The following MAD1L1 variants were observed in gnomAD, a reference collection of about 807,000 sequenced individuals.
The protein encoded by MAD1L1 is mitotic arrest deficient 1 like 1.
MAD1L1 carries 95 observed loss-of-function variants against 96.9 expected under a neutral mutation model. The observed-to-expected ratio is 0.98, with a 90% confidence interval of 0.83 to 1.16. The LOEUF (loss-of-function observed/expected upper bound fraction) is 1.16, where lower values mean the gene tolerates loss of function less well. MAD1L1 is among the 50% of genes most tolerant of loss of function. MAD1L1 has a pLI of 0.00. For synonymous variants in MAD1L1, 473 were observed against 396.6 expected, an observed-to-expected ratio of 1.19 and a Z score of -2.29; for missense variants, 1,007 against 954.4, an observed-to-expected ratio of 1.06 and a Z score of -0.73.
At chr7:1,993,852 G>T (rs971159153) in intron 14 of MAD1L1, among the ~76,000 whole-genome samples, 1 of 152,192 alleles carries the variant, frequency 6.6e-6, no homozygotes, top group Non-Finnish European at 1.5e-5. Flanking sequence ...CTCAGCACTC[G>T]GCAGATGCTT....
rs192035395 is a variant in MAD1L1 at position 1,817,290 on chromosome 7, C to T, written c.1999-1062G>A. On this transcript the variant is annotated intron_variant, in intron 18 of 18. Transcript: ENST00000265854. Reference sequence around the variant, plus strand: ...GCCGGCAGCTCCTCAAAGAGCTGGACGCAGAGTCCATGGGCCCAGCACCCG... The same window carrying T: ...GCCGGCAGCTCCTCAAAGAGCTGGATGCAGAGTCCATGGGCCCAGCACCCG... 7.9e-4 allele frequency among the ~76,000 whole-genome samples: 120 copies of T among 152,248 alleles called. 1 individual carries two copies. The highest frequency in any genetic ancestry group is 1.5e-3 in the Non-Finnish European group (101 of 68,004).
chr7:2,189,004 A>T (rs1261724407), intron 10 of MAD1L1, among the ~76,000 whole-genome samples: 1 of 152,198 alleles, frequency 6.6e-6, no homozygotes, highest in African/African-American at 2.4e-5. Context: ...GCGATTCAAG[A>T]ACAGGCGAAG....
At chr7:2,225,631 A>G (rs1188716999) in intron 3 of MAD1L1, 81 bp from the exon 4 acceptor site, 1 of 1,466,400 alleles carries the variant, frequency 6.8e-7, no homozygotes. Flanking sequence ...CAGCAGACAC[A>G]CTCCCTGAGG....
At chr7:2,020,600 C>T (rs1197607433) in intron 12 of MAD1L1, among the ~76,000 whole-genome samples, 1 of 152,194 alleles carries the variant, frequency 6.6e-6, no homozygotes, top group Admixed American at 6.5e-5. Flanking sequence ...CCCGGGCTGC[C>T]CTGGTACCCG....
At chr7:1,947,787 C>T (rs1779297700) in intron 16 of MAD1L1, among the ~76,000 whole-genome samples, 1 of 152,230 alleles carries the variant, frequency 6.6e-6, no homozygotes, top group African/African-American at 2.4e-5. Flanking sequence ...TCAGCAGCGG[C>T]CTGACCTTGG....
chr7:1,874,393 C>A (rs555953407), intron 18 of MAD1L1: 9 of 390,394 alleles, frequency 2.3e-5, no homozygotes, highest in African/African-American at 1.9e-4. Flanking sequence ...AGCACCGGGA[C>A]GGGGGTAAGA....
At chr7:2,182,670 C>T (rs1419634898) in intron 10 of MAD1L1, among the ~76,000 whole-genome samples, 1 of 152,158 alleles carries the variant, frequency 6.6e-6, no homozygotes, top group African/African-American at 2.4e-5. Context: ...AGGGTAGACG[C>T]CCCTTGAGAA....
At chr7:1,939,497 ATGGGT>A (rs1778836914) in intron 16 of MAD1L1, among the ~76,000 whole-genome samples, 2 of 1,912 alleles carry the variant, frequency 1.0e-3, no homozygotes, top group Non-Finnish European at 2.3e-3. Flanking sequence ...TGGTCATGAC[ATGGGT>A]CATGTCAGGC....
chr7:1,993,294 A>C (rs1476369528), intron 14 of MAD1L1, among the ~76,000 whole-genome samples: 2 of 152,238 alleles, frequency 1.3e-5, no homozygotes, highest in Non-Finnish European at 2.9e-5. Context: ...CAGTGCAGGG[A>C]GGGCACAGGG....
intron 12 of MAD1L1, among the ~76,000 whole-genome samples, chr7:2,040,589 A>G (rs1783630328): frequency 6.6e-6 from 1 of 152,148 alleles, no homozygotes; most frequent in South Asian, 2.1e-4. Context: ...GCTAGGCATT[A>G]ACTACATTTT....
chr7:2,104,900 C>G (rs917118348), intron 11 of MAD1L1, among the ~76,000 whole-genome samples: 4 of 152,190 alleles, frequency 2.6e-5, no homozygotes, highest in African/African-American at 9.7e-5. Context: ...GGTAGGTCCC[C>G]CCGCAAGCCC....
At chr7:1,965,876 C>A (rs1465262554) in intron 15 of MAD1L1, among the ~76,000 whole-genome samples, 2 of 152,264 alleles carry the variant, frequency 1.3e-5, no homozygotes, top group Non-Finnish European at 2.9e-5. Context: ...CCCTGGAGGA[C>A]CACAAAGGGG....
intron 17 of MAD1L1, among the ~76,000 whole-genome samples, chr7:1,916,674 G>T (rs377000351): frequency 1.3e-5 from 2 of 152,232 alleles, no homozygotes; most frequent in Non-Finnish European, 2.9e-5. Flanking sequence ...GATCACTGGC[G>T]GGGAGATGAA....
intron 6 of MAD1L1, among the ~76,000 whole-genome samples, chr7:2,218,981 G>C (rs1029024331): frequency 7.9e-5 from 12 of 152,090 alleles, no homozygotes; most frequent in African/African-American, 2.7e-4. Context: ...GATCACTTGA[G>C]CCCAGGAGGT....
intron 11 of MAD1L1, among the ~76,000 whole-genome samples, chr7:2,129,032 G>A (rs1216107151): frequency 3.3e-5 from 5 of 152,222 alleles, no homozygotes; most frequent in African/African-American, 1.2e-4. Context: ...GGGCAGAGTG[G>A]AGGTGGTGCA....
At chr7:2,061,033 G>A (rs2128523615) in intron 12 of MAD1L1, among the ~76,000 whole-genome samples, 2 of 152,292 alleles carry the variant, frequency 1.3e-5, no homozygotes, top group East Asian at 3.9e-4. Flanking sequence ...GTAAGAACAA[G>A]GCAAACAATC....
At position 2,088,603 on chromosome 7, in the gene MAD1L1, C is replaced by A. The variant is rs985136834; in HGVS notation, c.1074-19265G>T. On this transcript the variant is annotated intron_variant, in intron 11 of 18. Transcript: ENST00000265854. The surrounding 1 kb of genome is among the most constrained non-coding windows in gnomAD (Gnocchi z 4.4). ...ACGGTGTGGCACAGCCTGGGGCACTCCCAGCACTCAGCAGTGGCCATGAGC... is the reference window on the plus strand; with the variant it reads ...ACGGTGTGGCACAGCCTGGGGCACTACCAGCACTCAGCAGTGGCCATGAGC... Among the ~76,000 whole-genome samples, 1 of 152,200 alleles carries A rather than the reference C, an allele frequency of 6.6e-6. No individual in the cohort carries two copies. The highest frequency in any genetic ancestry group is 1.5e-5 in the Non-Finnish European group (1 of 68,034).
At chr7:2,009,897 G>A (rs529578165) in intron 13 of MAD1L1, among the ~76,000 whole-genome samples, 8 of 152,162 alleles carry the variant, frequency 5.3e-5, no homozygotes, top group South Asian at 2.1e-4. Context: ...CGGGGAGCCC[G>A]GCTCAGCGCA....
chr7:1,888,067 G>GTGGC (rs956195542), intron 18 of MAD1L1, among the ~76,000 whole-genome samples: 2 of 151,026 alleles, frequency 1.3e-5, no homozygotes, highest in Non-Finnish European at 2.9e-5. Flanking sequence ...ATCCGTGTGG[G>GTGGC]TGGCTGTGCA....
Sources: allele counts gnomAD v4.1 joint callset (sites outside exome capture counted in the v4.1 genomes callset), GRCh38; gene constraint gnomAD v4.1.1; non-coding constraint Gnocchi (gnomAD v3.1); transcripts MANE v1.5; gene names NCBI Gene and HGNC (gene_info 2026-07-23, HGNC 2026-07-21).